CACNB2: variants seen among roughly 807,000 people sequenced by gnomAD.
The protein encoded by CACNB2 is voltage-dependent L-type calcium channel subunit beta-2.
Under a neutral mutation model 73.3 loss-of-function variants are expected in CACNB2, and 42 were observed. The ratio of observed to expected loss-of-function variants is 0.57; its 90% CI spans 0.45 to 0.74. The LOEUF (loss-of-function observed/expected upper bound fraction) is 0.74. Among genes scored for constraint, CACNB2 ranks in the 30% least tolerant of loss-of-function variants. The pLI is 0.00. For synonymous variants in CACNB2, 348 were observed against 310.3 expected (o/e 1.12, Z -1.28); for missense variants, 940 against 853.0 (o/e 1.10, Z -1.27).
chr10:18,421,301 G>GTT (rs1378296317), intron 3 of CACNB2, among the ~76,000 whole-genome samples: 2 of 140,232 alleles, frequency 1.4e-5, no homozygotes. Flanking sequence ...TTGTTTTTTT[G>GTT]TTTTTTTTTT....
At chr10:18,181,519 A>G (rs1174590230) in intron 2 of CACNB2, among the ~76,000 whole-genome samples, 1 of 151,464 alleles carries the variant, frequency 6.6e-6, no homozygotes, top group Admixed American at 6.6e-5. Context: ...CCATTTTTTG[A>G]AAAAATGGCC....
chr10:18,519,537 C>T (rs182260967), intron 9 of CACNB2, among the ~76,000 whole-genome samples: 16 of 152,336 alleles, frequency 1.1e-4, no homozygotes, highest in Non-Finnish European at 1.6e-4. Context: ...GGCACTAGAT[C>T]TCATTCCCCA....
chr10:18,239,865 A>T (rs528400751), intron 2 of CACNB2, among the ~76,000 whole-genome samples: 1 of 152,150 alleles, frequency 6.6e-6, no homozygotes, highest in Non-Finnish European at 1.5e-5. Flanking sequence ...ATTTGTTTCA[A>T]ATAAGAGCTT....
At chr10:18,213,787 G>A (rs184346920) in intron 2 of CACNB2, among the ~76,000 whole-genome samples, 10 of 152,314 alleles carry the variant, frequency 6.6e-5, no homozygotes, top group Admixed American at 6.5e-4. Context: ...AGCCATCTCT[G>A]GAGTCAGGAC....
intron 2 of CACNB2, among the ~76,000 whole-genome samples, chr10:18,390,139 A>G (rs763215663): frequency 9.2e-5 from 14 of 152,208 alleles, no homozygotes; most frequent in East Asian, 1.9e-4. Flanking sequence ...TTGGAAGGAA[A>G]GAGCCCAGAT....
intron 3 of CACNB2, among the ~76,000 whole-genome samples, chr10:18,481,225 TATATA>T (rs1175081523): frequency 3.3e-4 from 5 of 15,054 alleles, no homozygotes; most frequent in African/African-American, 5.5e-4. Flanking sequence ...TATATATATA[TATATA>T]TTTTTTTTTT....
intron 2 of CACNB2, among the ~76,000 whole-genome samples, chr10:18,163,347 AT>A (rs34438911): frequency 0.47 from 71,586 of 151,470 alleles, 17,189 homozygotes; most frequent in East Asian, 0.57. Context: ...TCAAATTGGT[AT>A]TACTCTTGGG....
chr10:18,537,454 TCTTAC>T (rs1466859278), intron 12 of CACNB2, among the ~76,000 whole-genome samples: 3 of 152,112 alleles, frequency 2.0e-5, no homozygotes, highest in Non-Finnish European at 4.4e-5. Context: ...CACATCCTAA[TCTTAC>T]CTTATTAATT....
chr10:18,227,304 C>T (rs2036030791), intron 2 of CACNB2, among the ~76,000 whole-genome samples: 1 of 151,556 alleles, frequency 6.6e-6, no homozygotes, highest in African/African-American at 2.4e-5. Context: ...ATTTGGGGCC[C>T]CTGGTTGCTG....
At chr10:18,412,446 C>T (rs188875495) in intron 3 of CACNB2, among the ~76,000 whole-genome samples, 4 of 151,556 alleles carry the variant, frequency 2.6e-5, no homozygotes, top group Admixed American at 2.0e-4. Flanking sequence ...AACCTTATCA[C>T]CCCAGGCTTT....
chr10:18,242,261 A>G (rs1030637216), intron 2 of CACNB2, among the ~76,000 whole-genome samples: 1 of 152,112 alleles, frequency 6.6e-6, no homozygotes, highest in East Asian at 1.9e-4. Context: ...TTAACAAACA[A>G]TATAAAAATT....
chr10:18,168,246 T>C (rs964850666), intron 2 of CACNB2, among the ~76,000 whole-genome samples: 1 of 152,128 alleles, frequency 6.6e-6, no homozygotes, highest in Non-Finnish European at 1.5e-5. Flanking sequence ...TGATCAAACC[T>C]GGGCAACAGA....
chr10:18,191,260 A>C (rs954792973), intron 2 of CACNB2, among the ~76,000 whole-genome samples: 2 of 152,234 alleles, frequency 1.3e-5, no homozygotes, highest in East Asian at 3.9e-4. Context: ...TTTATGAATG[A>C]AAATACTGAG....
Position 18,259,563 on chromosome 10 carries a change from AC to A in CACNB2, c.213+108589del, listed in dbSNP as rs531847743. Among the ~76,000 whole-genome samples the A allele has an allele frequency of 5.9e-3, 724 of 122,544 alleles. 46 individuals carry two copies. The highest frequency in any genetic ancestry group is 0.017 in the African/African-American group (515 of 29,774). The allele number at this position is 122,544 out of a possible 152,430, so 80.4% of individuals were successfully genotyped here. A position where few individuals can be genotyped will look rare whatever the true frequency, so the allele number is the denominator to read the frequency against. Reference sequence around the variant, plus strand: ...CTACTGAAAAAAAAACAAAAAACAAACAAAAAAAAAAAGTAAAAGTAGCCAG... The same window carrying A: ...CTACTGAAAAAAAAACAAAAAACAAAAAAAAAAAAAAGTAAAAGTAGCCAG... On this transcript the variant is annotated intron_variant, in intron 2 of 13. Transcript: ENST00000324631.
chr10:18,400,873 G>A, intron 2 of CACNB2: 1 of 1,523,202 alleles, frequency 6.6e-7, no homozygotes, highest in South Asian at 1.2e-5. Flanking sequence ...GGAGTCCTCT[G>A]GGGCAGGGAG....
chr10:18,439,821 G>GC (rs1160479194), intron 3 of CACNB2, among the ~76,000 whole-genome samples: 2 of 152,112 alleles, frequency 1.3e-5, no homozygotes, highest in Non-Finnish European at 2.9e-5. Flanking sequence ...CCTACTGCAT[G>GC]CCAGTGATCT....
At chr10:18,215,197 CAG>C (rs57699933) in intron 2 of CACNB2, among the ~76,000 whole-genome samples, 11,454 of 152,168 alleles carry the variant, frequency 0.075, 1,317 homozygotes, top group African/African-American at 0.25. Context: ...TGAATGAAGA[CAG>C]TGTGTTTATT....
intron 3 of CACNB2, among the ~76,000 whole-genome samples, chr10:18,479,706 TCGC>T (rs1564597319): frequency 4.6e-5 from 7 of 152,158 alleles, no homozygotes; most frequent in African/African-American, 1.4e-4. Flanking sequence ...TCTCGCTCGC[TCGC>T]TCTCTCGCTC....
chr10:18,459,046 C>T (rs995190998), intron 3 of CACNB2, among the ~76,000 whole-genome samples: 2 of 151,956 alleles, frequency 1.3e-5, no homozygotes, highest in Admixed American at 6.6e-5. Flanking sequence ...ATTACAGGCG[C>T]GAGCCACTGC....
Sources: gnomAD v4.1 joint callset for allele counts (sites outside exome capture counted in the v4.1 genomes callset) on GRCh38, gnomAD v4.1.1 for gene constraint, MANE v1.5 for transcripts, NCBI Gene and HGNC (gene_info 2026-07-23, HGNC 2026-07-21) for gene names.